NRCAM: variants seen among roughly 807,000 people sequenced by gnomAD.
NRCAM encodes NgCAM-related cell adhesion molecule.
A neutral mutation model predicts 156.5 loss-of-function variants in NRCAM; 83 were observed. That is an observed-to-expected ratio of 0.53 (90% CI 0.44 to 0.64). The LOEUF (loss-of-function observed/expected upper bound fraction) is 0.64. Among genes scored for constraint, NRCAM ranks in the 30% least tolerant of loss-of-function variants. NRCAM has a pLI of 0.00. For missense variants in NRCAM, 1,417 were observed against 1,597.3 expected (o/e 0.89, Z 1.92); for synonymous variants, 538 against 563.9 (o/e 0.95, Z 0.65).
intron 1 of NRCAM, among the ~76,000 whole-genome samples, chr7:108,410,724 T>C (rs919318379): frequency 6.6e-6 from 1 of 152,216 alleles, no homozygotes; most frequent in Admixed American, 6.5e-5. Flanking sequence ...TCACAGCAAG[T>C]GTGGAAGGGC....
chr7:108,390,910 T>C (rs1454562403), intron 2 of NRCAM, among the ~76,000 whole-genome samples: 1 of 144,404 alleles, frequency 6.9e-6, no homozygotes, highest in African/African-American at 2.4e-5. Context: ...TCCTGAGTTC[T>C]AGTTTGATTG....
chr7:108,407,316 C>T (rs1397526653), intron 1 of NRCAM, among the ~76,000 whole-genome samples: 1 of 152,092 alleles, frequency 6.6e-6, no homozygotes, highest in East Asian at 1.9e-4. Flanking sequence ...AATCGCTGCC[C>T]TAATATTGGA....
chr7:108,253,677 C>G (rs1054953457), intron 3 of NRCAM, among the ~76,000 whole-genome samples: 3 of 152,214 alleles, frequency 2.0e-5, no homozygotes, highest in African/African-American at 4.8e-5. Context: ...AGAGTGCCAT[C>G]TTCTCATGCA....
chr7:108,195,556 C>T (rs403622), intron 15 of NRCAM, among the ~76,000 whole-genome samples: 70,573 of 151,714 alleles, frequency 0.47, 18,160 homozygotes, highest in East Asian at 0.81. Context: ...GCAGAGGCTG[C>T]AGTGAGCTGT....
chr7:108,323,478 C>T, intron 2 of NRCAM, among the ~76,000 whole-genome samples: 1 of 152,176 alleles, frequency 6.6e-6, no homozygotes, highest in Non-Finnish European at 1.5e-5. Context: ...GTGTATTCAC[C>T]AAATCTCTTT....
chr7:108,260,683 T>C (rs983788437), intron 3 of NRCAM, among the ~76,000 whole-genome samples: 3 of 152,042 alleles, frequency 2.0e-5, no homozygotes, highest in Non-Finnish European at 4.4e-5. Context: ...GATGTCAACA[T>C]GGGAGTGTTG....
intron 1 of NRCAM, among the ~76,000 whole-genome samples, chr7:108,455,960 TG>T (rs568398771): frequency 1.5e-3 from 232 of 151,968 alleles, no homozygotes; most frequent in Admixed American, 3.9e-3. Flanking sequence ...CTGGAGGGGG[TG>T]GTGGGTGCCG....
chr7:108,389,969 T>A (rs1489734421), intron 2 of NRCAM, among the ~76,000 whole-genome samples: 1 of 152,236 alleles, frequency 6.6e-6, no homozygotes, highest in Non-Finnish European at 1.5e-5. Flanking sequence ...AGTATTTTAT[T>A]GAGGATTTTT....
chr7:108,331,645 T>C (rs1241083421), intron 2 of NRCAM, among the ~76,000 whole-genome samples: 1 of 152,206 alleles, frequency 6.6e-6, no homozygotes, highest in Admixed American at 6.5e-5. Context: ...AGATGCTATG[T>C]AAGTATTTCT....
rs772986843 is a variant in NRCAM at position 108,197,924 on chromosome 7, T to C, written c.1351+32A>G. On this transcript the variant is annotated intron_variant, in intron 14 of 32. Transcript: ENST00000379028. ...AAAATAACAGCAGTCATTAATTTAATTTGCCATGTCTTTAATAAAATGAGA... is the reference window on the plus strand; with the variant it reads ...AAAATAACAGCAGTCATTAATTTAACTTGCCATGTCTTTAATAAAATGAGA... 10 of 1,511,078 alleles carry C rather than the reference T, an allele frequency of 6.6e-6. No homozygotes were observed. In the South Asian group the frequency reaches 1.1e-4, roughly 16 times the overall value. 93.6% of individuals were successfully genotyped at this position (1,511,078 alleles called of 1,614,324 possible).
rs10215826 is a variant in NRCAM, at chr7:108,367,963, G to A, written c.-174+31473C>T. Among the ~76,000 whole-genome samples the A allele has an allele frequency of 2.5e-3, 377 of 152,212 alleles. 2 individuals carry two copies. Among genetic ancestry groups the A allele is most frequent in the African/African-American group, 8.8e-3 (365 of 41,542 alleles). On this transcript the variant is annotated intron_variant, in intron 2 of 32. Transcript: ENST00000379028. ...GTATGGTACAGGTTAAGTTTTGTTCGTGTTTAGGGAAGTAGTTCGAATCGT... is the reference window on the plus strand; with the variant it reads ...GTATGGTACAGGTTAAGTTTTGTTCATGTTTAGGGAAGTAGTTCGAATCGT...
chr7:108,455,951 T>C (rs1859770), intron 1 of NRCAM, among the ~76,000 whole-genome samples: 145,030 of 152,300 alleles, frequency 0.95, 69,171 homozygotes, highest in African/African-American at 0.99. Flanking sequence ...GGCCACAGGC[T>C]GGAGGGGGTG....
chr7:108,195,650 T>G, intron 15 of NRCAM, 111 bp downstream of exon 15: 1 of 669,930 alleles, frequency 1.5e-6, no homozygotes, highest in Non-Finnish European at 2.7e-6. Flanking sequence ...GTGTAATGGA[T>G]TGTGTGGTGC....
At chr7:108,169,966 T>G (rs966567468) in intron 28 of NRCAM, among the ~76,000 whole-genome samples, 1 of 152,176 alleles carries the variant, frequency 6.6e-6, no homozygotes, top group Non-Finnish European at 1.5e-5. Flanking sequence ...CTTCTTATAT[T>G]TTACATTGGT....
At chr7:108,440,487 T>C (rs1025243144) in intron 1 of NRCAM, among the ~76,000 whole-genome samples, 2 of 152,160 alleles carry the variant, frequency 1.3e-5, no homozygotes, top group Non-Finnish European at 1.5e-5. Flanking sequence ...ACCAATTAAT[T>C]TACAGTAATC....
At chr7:108,200,322 A>G (rs979245315) in intron 13 of NRCAM, among the ~76,000 whole-genome samples, 1 of 152,240 alleles carries the variant, frequency 6.6e-6, no homozygotes, top group African/African-American at 2.4e-5. Context: ...CAGAGGATGG[A>G]TATGACACAC....
Position 108,228,290 on chromosome 7 carries a change from C to T in NRCAM, c.551-1912G>A, listed in dbSNP as rs183829225. Among the ~76,000 whole-genome samples the T allele has an allele frequency of 6.0e-3, 905 of 151,856 alleles. 6 individuals are homozygous for T. Among genetic ancestry groups the T allele is most frequent in the Non-Finnish European group, 9.7e-3 (662 of 67,950 alleles). On this transcript the variant is annotated intron_variant, in intron 8 of 32. Coordinates refer to ENST00000379028, the MANE Select transcript of NRCAM (RefSeq NM_001037132.4). Reference sequence around the variant, plus strand: ...TGAGCTGAGATTGTGCCACTGCACTCCAGCCTGGGTGACAGAGCGAGACTC... The same window carrying T: ...TGAGCTGAGATTGTGCCACTGCACTTCAGCCTGGGTGACAGAGCGAGACTC...
intron 3 of NRCAM, among the ~76,000 whole-genome samples, chr7:108,301,679 AT>A (rs1482413875): frequency 6.6e-6 from 1 of 152,200 alleles, no homozygotes; most frequent in Non-Finnish European, 1.5e-5. Flanking sequence ...TTTGAAAAAA[AT>A]ATGGCTCTTT....
chr7:108,256,867 G>A (rs1265681712), intron 3 of NRCAM, among the ~76,000 whole-genome samples: 1 of 151,878 alleles, frequency 6.6e-6, no homozygotes, highest in African/African-American at 2.4e-5. Context: ...AATACAGCCA[G>A]GTGTGGTAGT....
Sources: gnomAD v4.1 joint callset for allele counts (sites outside exome capture counted in the v4.1 genomes callset) on GRCh38, gnomAD v4.1.1 for gene constraint, MANE v1.5 for transcripts, NCBI Gene and HGNC (gene_info 2026-07-23, HGNC 2026-07-21) for gene names.